Variants in DSCAM observed in about 807,000 individuals in gnomAD.
DSCAM encodes the protein DS cell adhesion molecule.
In DSCAM, 47 loss-of-function variants were observed where a neutral mutation model predicts 217.7. That is an observed-to-expected ratio of 0.22 (90% CI 0.17 to 0.28). The LOEUF is 0.28. DSCAM is among the 10% of genes least tolerant of loss of function. The pLI, the probability that DSCAM is intolerant of heterozygous loss-of-function variation, is 1.00. For missense variants in DSCAM, 2,080 were observed against 2,618.3 expected (o/e 0.79, Z 4.49); for synonymous variants, 1,056 against 1,015.3 (o/e 1.04, Z -0.76).
chr21:40,752,165 A>G (rs1039660604), intron 1 of DSCAM, among the ~76,000 whole-genome samples: 5 of 152,208 alleles, frequency 3.3e-5, no homozygotes, highest in East Asian at 1.9e-4. Flanking sequence ...CATAAGCCAC[A>G]TGGTTTTATT....
chr21:40,588,908 ACAAT>A lies in DSCAM; in HGVS notation c.508+103898_508+103901del, dbSNP rs765568079. ...CCATTTATGTGAAGCAAAATGAATCACAATCAATGATCAGTATTCTGTAGCCATA... is the reference window on the plus strand; with the variant it reads ...CCATTTATGTGAAGCAAAATGAATCACAATGATCAGTATTCTGTAGCCATA... On this transcript the variant is annotated intron_variant, in intron 3 of 32. Coordinates refer to ENST00000400454, the MANE Select transcript of DSCAM (RefSeq NM_001389.5). 5.4e-4 allele frequency among the ~76,000 whole-genome samples: 82 copies of A among 152,222 alleles called. 1 individual carries two copies. The highest frequency in any genetic ancestry group is 9.6e-4 in the Non-Finnish European group (65 of 68,032).
chr21:40,834,519 CT>C (rs1294933923), intron 1 of DSCAM, among the ~76,000 whole-genome samples: 2 of 151,440 alleles, frequency 1.3e-5, no homozygotes, highest in Non-Finnish European at 2.9e-5. Flanking sequence ...CTATTTAGAG[CT>C]TTACAATAAC....
chr21:40,506,618 A>G (rs2076212184), intron 3 of DSCAM, among the ~76,000 whole-genome samples: 1 of 152,206 alleles, frequency 6.6e-6, no homozygotes, highest in Admixed American at 6.5e-5. Context: ...ATATATGGCC[A>G]AAGAAAATGT....
Position 40,527,933 on chromosome 21 carries a change from C to G in DSCAM, c.509-158688G>C, listed in dbSNP as rs2076412844. ...AACAGGAGCGGATGCTCTAATCATG[C>G]CACTAGTCATCTCCAGGAGTTCTGC... On this transcript the variant is annotated intron_variant, in intron 3 of 32. Coordinates refer to ENST00000400454, the MANE Select transcript of DSCAM (RefSeq NM_001389.5). Among the ~76,000 whole-genome samples the G allele has an allele frequency of 2.0e-5, 3 of 152,158 alleles. No homozygotes were observed. In the South Asian group the frequency reaches 6.2e-4, roughly 32 times the overall value.
At chr21:40,474,569 C>A (rs896104832) in intron 3 of DSCAM, among the ~76,000 whole-genome samples, 10 of 152,182 alleles carry the variant, frequency 6.6e-5, no homozygotes, top group South Asian at 4.1e-4. Context: ...CCCCTTCCCC[C>A]CTGAGCTGGA....
intron 23 of DSCAM, among the ~76,000 whole-genome samples, chr21:40,084,359 A>G (rs2089503732): frequency 6.6e-6 from 1 of 152,206 alleles, no homozygotes. Flanking sequence ...AATTTCAGCC[A>G]TGAAATTTAA....
chr21:40,150,238 C>A (rs2090410719), intron 16 of DSCAM, among the ~76,000 whole-genome samples: 1 of 152,150 alleles, frequency 6.6e-6, no homozygotes, highest in South Asian at 2.1e-4. Flanking sequence ...GCTCATAGAG[C>A]CTCAGAGAAC....
At chr21:40,376,189 C>T (rs547924936) in intron 3 of DSCAM, among the ~76,000 whole-genome samples, 9 of 152,042 alleles carry the variant, frequency 5.9e-5, no homozygotes, top group African/African-American at 1.4e-4. Context: ...AGCACAAGCA[C>T]GATGAAGCTT....
chr21:40,581,164 TA>T (rs1245428508), intron 3 of DSCAM, among the ~76,000 whole-genome samples: 1 of 152,228 alleles, frequency 6.6e-6, no homozygotes, highest in African/African-American at 2.4e-5. Flanking sequence ...GAGAATCCTT[TA>T]AACGAAGAAG....
At chr21:40,014,305 G>T (rs781619203) in intron 32 of DSCAM, among the ~76,000 whole-genome samples, 2 of 152,206 alleles carry the variant, frequency 1.3e-5, no homozygotes, top group Non-Finnish European at 2.9e-5. Flanking sequence ...CAGGAGAATC[G>T]CTTGAACCCG....
chr21:40,071,276 T>C (rs888101782), intron 27 of DSCAM, among the ~76,000 whole-genome samples: 10 of 152,116 alleles, frequency 6.6e-5, no homozygotes, highest in Non-Finnish European at 1.2e-4. Context: ...GATAAGGTTA[T>C]AGATTTAAAA....
At chr21:40,310,639 C>G (rs2074127428) in intron 9 of DSCAM, among the ~76,000 whole-genome samples, 1 of 152,174 alleles carries the variant, frequency 6.6e-6, no homozygotes, top group Non-Finnish European at 1.5e-5. Flanking sequence ...AAAAGCATCC[C>G]CGTACATTTT....
intron 2 of DSCAM, among the ~76,000 whole-genome samples, chr21:40,696,351 C>A (rs1325260313): frequency 1.3e-5 from 2 of 152,152 alleles, no homozygotes; most frequent in Non-Finnish European, 2.9e-5. Flanking sequence ...GGACACAATC[C>A]CCTGAGAGGC....
chr21:40,302,184 T>C (rs2074024539), intron 9 of DSCAM, among the ~76,000 whole-genome samples: 1 of 152,198 alleles, frequency 6.6e-6, no homozygotes, highest in African/African-American at 2.4e-5. Flanking sequence ...CAATAGATCA[T>C]GATATGGTTT....
chr21:40,137,915 A>G (rs553485970), intron 18 of DSCAM, among the ~76,000 whole-genome samples: 14 of 152,258 alleles, frequency 9.2e-5, no homozygotes, highest in Non-Finnish European at 1.8e-4. Context: ...TTTTTCCATG[A>G]AGAAAGATGG....
At chr21:40,081,829 T>C (rs2089466287) in intron 24 of DSCAM, among the ~76,000 whole-genome samples, 1 of 152,216 alleles carries the variant, frequency 6.6e-6, no homozygotes. Flanking sequence ...TCAGGAATGC[T>C]GGGTTACCTT....
chr21:40,270,362 C>T (rs1024222168), intron 11 of DSCAM, among the ~76,000 whole-genome samples: 5 of 152,262 alleles, frequency 3.3e-5, no homozygotes, highest in South Asian at 2.1e-4. Flanking sequence ...AAGTTGCAGA[C>T]GTATCTGGCA....
chr21:40,114,772 T>C (rs2089946607), intron 20 of DSCAM, among the ~76,000 whole-genome samples: 1 of 152,202 alleles, frequency 6.6e-6, no homozygotes, highest in South Asian at 2.1e-4. Flanking sequence ...CAGACACTTC[T>C]CAAAAGAAGA....
intron 3 of DSCAM, among the ~76,000 whole-genome samples, chr21:40,523,649 A>C (rs916434399): frequency 1.3e-5 from 2 of 152,198 alleles, no homozygotes; most frequent in African/African-American, 4.8e-5. Context: ...CTCCAAGCCC[A>C]GGTGTGATCT....
Sources: allele counts gnomAD v4.1 joint callset (sites outside exome capture counted in the v4.1 genomes callset), GRCh38; gene constraint gnomAD v4.1.1; transcripts MANE v1.5; gene names NCBI Gene and HGNC (gene_info 2026-07-23, HGNC 2026-07-21).